SMAD3: variants seen among roughly 807,000 people sequenced by gnomAD.
The protein encoded by SMAD3 is MAD homolog 3.
SMAD3 carries 12 observed loss-of-function variants against 51.8 expected under a neutral mutation model. The observed-to-expected ratio is 0.23, with a 90% CI of 0.15 to 0.38. The LOEUF is 0.38. Ranked by LOEUF, SMAD3 falls within the 10% of genes least tolerant of loss-of-function variation. The probability of loss-of-function intolerance (pLI) is 1.00; values close to 1 mark genes in which losing one functional copy is unlikely to be tolerated. For synonymous variants in SMAD3, 238 were observed against 227.7 expected, an observed-to-expected ratio of 1.05 and a Z score of -0.41; for missense variants, 294 against 565.6, an observed-to-expected ratio of 0.52 and a Z score of 4.87.
intron 1 of SMAD3, among the ~76,000 whole-genome samples, chr15:67,159,605 A>T (rs1270145222): frequency 6.6e-6 from 1 of 152,198 alleles, no homozygotes. Context: ...GAGAATATAC[A>T]TAACCTTTAC....
intron 8 of SMAD3, among the ~76,000 whole-genome samples, chr15:67,188,151 T>TC (rs1963271852): frequency 7.2e-6 from 1 of 139,460 alleles, no homozygotes; most frequent in African/African-American, 2.7e-5. Flanking sequence ...TCTTTTTCTT[T>TC]TTTTTTTTTT....
intron 1 of SMAD3, among the ~76,000 whole-genome samples, chr15:67,084,732 C>T (rs1960352635): frequency 6.6e-6 from 1 of 152,170 alleles, no homozygotes; most frequent in Admixed American, 6.5e-5. Flanking sequence ...GGAAATCAGT[C>T]TGCAGGCAAA....
chr15:67,103,618 A>G (rs964017760), intron 1 of SMAD3, among the ~76,000 whole-genome samples: 13 of 151,884 alleles, frequency 8.6e-5, no homozygotes, highest in Non-Finnish European at 1.5e-4. Context: ...CAGCCCAGCT[A>G]CCCTTTCCAG....
chr15:67,069,145 G>T (rs1040921324), intron 1 of SMAD3, among the ~76,000 whole-genome samples: 2 of 152,154 alleles, frequency 1.3e-5, no homozygotes, highest in African/African-American at 4.8e-5. Context: ...CAGACCACAG[G>T]CTTGCTTCTC....
At chr15:67,095,175 G>A (rs1166752940) in intron 1 of SMAD3, among the ~76,000 whole-genome samples, 1 of 152,142 alleles carries the variant, frequency 6.6e-6, no homozygotes, top group East Asian at 1.9e-4. Context: ...TTTACTGGGT[G>A]GACAAAGGAG....
chr15:67,109,026 G>C (rs982522657), intron 1 of SMAD3, among the ~76,000 whole-genome samples: 7 of 152,316 alleles, frequency 4.6e-5, no homozygotes, highest in Admixed American at 2.6e-4. Context: ...TTGAGTTCTT[G>C]TTGACGAAGA....
chr15:67,142,924 G>A lies in SMAD3; in HGVS notation c.207-21971G>A, dbSNP rs1397571146. 3 of 419,898 alleles carry A rather than the reference G, an allele frequency of 7.1e-6. No individual in the cohort carries two copies. In the Admixed American group the frequency reaches 7.9e-5, roughly 11 times the overall value. 26.0% of individuals were successfully genotyped at this position (419,898 alleles called of 1,614,324 possible). A position where few individuals can be genotyped will look rare whatever the true frequency, so the allele number is the denominator to read the frequency against. ...TCTGCATACCCGTCGGCTCACTCCT[G>A]GGTTGGAACATCCTCCTCATTTTCT... On this transcript the variant is annotated intron_variant, in intron 1 of 8. Coordinates refer to ENST00000327367, the MANE Select transcript of SMAD3 (RefSeq NM_005902.4).
intron 1 of SMAD3, among the ~76,000 whole-genome samples, chr15:67,089,738 C>G (rs1293053720): frequency 6.6e-6 from 1 of 152,246 alleles, no homozygotes; most frequent in Non-Finnish European, 1.5e-5. Flanking sequence ...GTTTACAAAG[C>G]ACTTTCCCAC....
intron 5 of SMAD3, among the ~76,000 whole-genome samples, chr15:67,171,398 T>G (rs1962748860): frequency 6.6e-6 from 1 of 152,186 alleles, no homozygotes; most frequent in Non-Finnish European, 1.5e-5. Context: ...TTCTCCAGCT[T>G]GGGATAGGCT....
intron 1 of SMAD3, chr15:67,128,121 G>A (rs1422001320): frequency 6.6e-6 from 1 of 152,196 alleles, no homozygotes; most frequent in Non-Finnish European, 1.5e-5. Flanking sequence ...GGCCAGACGT[G>A]GATATGGTTA....
chr15:67,169,622 ATTT>A (rs11333560), intron 4 of SMAD3, among the ~76,000 whole-genome samples: 4 of 127,900 alleles, frequency 3.1e-5, no homozygotes, highest in Non-Finnish European at 3.3e-5. Context: ...CTTACGGCTT[ATTT>A]TTTTTTTTTT....
At chr15:67,099,203 C>G (rs764056064) in intron 1 of SMAD3, among the ~76,000 whole-genome samples, 1 of 152,202 alleles carries the variant, frequency 6.6e-6, no homozygotes, top group Non-Finnish European at 1.5e-5. Context: ...GGACTTCTGT[C>G]TCTGGATTCA....
intron 1 of SMAD3, among the ~76,000 whole-genome samples, chr15:67,147,663 T>C (rs1962016383): frequency 6.6e-6 from 1 of 152,170 alleles, no homozygotes; most frequent in Non-Finnish European, 1.5e-5. Flanking sequence ...CAGTGTCGTG[T>C]CCAGGTCCAG....
At chr15:67,071,406 T>C (rs1454328928) in intron 1 of SMAD3, among the ~76,000 whole-genome samples, 2 of 152,238 alleles carry the variant, frequency 1.3e-5, no homozygotes, top group Non-Finnish European at 2.9e-5. Flanking sequence ...AAGCATTTTC[T>C]CTTTGAAGTA....
chr15:67,133,141 C>T (rs952298270), intron 1 of SMAD3, among the ~76,000 whole-genome samples: 2 of 152,190 alleles, frequency 1.3e-5, no homozygotes, highest in Non-Finnish European at 1.5e-5. Context: ...CCATGGCCTC[C>T]CTGATGTGGG....
At chr15:67,108,560 G>A (rs987821564) in intron 1 of SMAD3, among the ~76,000 whole-genome samples, 1 of 152,202 alleles carries the variant, frequency 6.6e-6, no homozygotes, top group Non-Finnish European at 1.5e-5. Flanking sequence ...AGCATGCCTA[G>A]GTCTGACACA....
At position 67,098,844 on chromosome 15, in the gene SMAD3, G is replaced by T. The variant is rs531669319; in HGVS notation, c.206+32484G>T. On this transcript the variant is annotated intron_variant, in intron 1 of 8. Transcript: ENST00000327367. ...AGGGCCCACTGTTGCTCAGCTGGGG[G>T]ATTTGGGGACGGTGGGAGGGCATAC... 41 of 700,622 alleles carry T rather than the reference G, an allele frequency of 5.9e-5. No individual in the cohort carries two copies. The African/African-American group carries it at 7.0e-4, about 12-fold the overall frequency. The allele number at this position is 700,622 out of a possible 1,614,324, so 43.4% of individuals were successfully genotyped here.
chr15:67,075,914 C>A (rs1312532368), intron 1 of SMAD3, among the ~76,000 whole-genome samples: 45 of 140,098 alleles, frequency 3.2e-4, no homozygotes, highest in African/African-American at 3.5e-4. Context: ...GACTCTGTCT[C>A]AAAAAAAAAA....
chr15:67,130,749 G>T (rs1394704762), intron 1 of SMAD3, among the ~76,000 whole-genome samples: 1 of 152,210 alleles, frequency 6.6e-6, no homozygotes, highest in African/African-American at 2.4e-5. Flanking sequence ...ACAGCTTCAG[G>T]GTATCAGTTC....
Sources: gnomAD v4.1 joint callset for allele counts (sites outside exome capture counted in the v4.1 genomes callset) on GRCh38, gnomAD v4.1.1 for gene constraint, MANE v1.5 for transcripts, NCBI Gene and HGNC (gene_info 2026-07-23, HGNC 2026-07-21) for gene names.